Variants in WDR70 observed in about 807,000 individuals in gnomAD.
WDR70 encodes WD repeat-containing protein 70.
Under a neutral mutation model 88.6 loss-of-function variants are expected in WDR70, and 53 were observed. The observed-to-expected ratio is 0.60, with a 90% CI of 0.48 to 0.75. The LOEUF (loss-of-function observed/expected upper bound fraction) is 0.75, where lower values mean the gene tolerates loss of function less well. WDR70 is among the 30% of genes least tolerant of loss of function. The pLI is 0.00. For missense variants in WDR70, 610 were observed against 823.2 expected, an observed-to-expected ratio of 0.74 and a Z score of 3.17; for synonymous variants, 280 against 270.0, an observed-to-expected ratio of 1.04 and a Z score of -0.36.
At chr5:37,602,955 C>T (rs776020548) in intron 9 of WDR70, among the ~76,000 whole-genome samples, 41 of 151,298 alleles carry the variant, frequency 2.7e-4, no homozygotes, top group African/African-American at 2.7e-4. Context: ...CCAGCCTGGG[C>T]GATAGAGCGA....
chr5:37,388,433 T>TTTC (rs1174609850), intron 3 of WDR70, among the ~76,000 whole-genome samples: 3 of 150,454 alleles, frequency 2.0e-5, no homozygotes, highest in Non-Finnish European at 4.4e-5. Context: ...AGACTTTTTT[T>TTTC]TTTTTTTAGA....
At chr5:37,536,089 G>A (rs536006993) in intron 9 of WDR70, among the ~76,000 whole-genome samples, 2 of 152,266 alleles carry the variant, frequency 1.3e-5, no homozygotes, top group South Asian at 4.1e-4. Flanking sequence ...CACTACAGTG[G>A]TGGTGCTACC....
At chr5:37,484,039 C>T (rs1189943905) in intron 8 of WDR70, among the ~76,000 whole-genome samples, 3 of 151,624 alleles carry the variant, frequency 2.0e-5, no homozygotes, top group African/African-American at 4.8e-5. Context: ...GACGGGATGG[C>T]GGCCGGGAAG....
intron 9 of WDR70, among the ~76,000 whole-genome samples, chr5:37,517,487 C>A (rs756649635): frequency 6.6e-6 from 1 of 151,874 alleles, no homozygotes; most frequent in South Asian, 2.1e-4. Context: ...CCTACTTCAG[C>A]CTCCCAAGTA....
chr5:37,504,335 C>T (rs116404169), intron 8 of WDR70, among the ~76,000 whole-genome samples: 5 of 151,464 alleles, frequency 3.3e-5, no homozygotes, highest in East Asian at 2.1e-4. Context: ...GTCTTGATTA[C>T]TGTAGCTTTT....
intron 10 of WDR70, among the ~76,000 whole-genome samples, chr5:37,650,964 A>ATT (rs56209225): frequency 0.043 from 6,299 of 146,688 alleles, 428 homozygotes; most frequent in African/African-American, 0.15. Context: ...AATGGGCTTC[A>ATT]TTTTTTTTTT....
At chr5:37,715,781 A>G (rs1446274766) in intron 13 of WDR70, among the ~76,000 whole-genome samples, 2 of 152,190 alleles carry the variant, frequency 1.3e-5, no homozygotes, top group Non-Finnish European at 2.9e-5. Context: ...TCTGTGAAGA[A>G]TATCTTGGGC....
chr5:37,616,018 C>T (rs1301866913), intron 10 of WDR70, among the ~76,000 whole-genome samples: 5 of 152,186 alleles, frequency 3.3e-5, no homozygotes, highest in Non-Finnish European at 7.4e-5. Flanking sequence ...CAGTACTTGT[C>T]ATATGCTGAA....
intron 9 of WDR70, among the ~76,000 whole-genome samples, chr5:37,532,113 C>T (rs994348224): frequency 6.6e-6 from 1 of 152,176 alleles, no homozygotes; most frequent in Non-Finnish European, 1.5e-5. Context: ...TGAGGGATTT[C>T]TGCTGAGAAA....
chr5:37,685,289 A>G (rs1340681902), intron 10 of WDR70, among the ~76,000 whole-genome samples: 1 of 152,070 alleles, frequency 6.6e-6, no homozygotes, highest in Admixed American at 6.5e-5. Context: ...CCACTCATGT[A>G]GACACACACC....
chr5:37,533,560 A>C (rs1741566335), intron 9 of WDR70, among the ~76,000 whole-genome samples: 1 of 150,516 alleles, frequency 6.6e-6, no homozygotes, highest in Non-Finnish European at 1.5e-5. Context: ...GGGGCCATAG[A>C]GCTTTCAAGA....
At chr5:37,467,242 A>G (rs1349305609) in intron 7 of WDR70, among the ~76,000 whole-genome samples, 1 of 151,328 alleles carries the variant, frequency 6.6e-6, no homozygotes, top group Admixed American at 6.6e-5. Flanking sequence ...AAAAAAAACA[A>G]AAAAAGAAAA....
chr5:37,405,094 T>C (rs1424421975), intron 5 of WDR70, among the ~76,000 whole-genome samples: 2 of 152,050 alleles, frequency 1.3e-5, no homozygotes, highest in Admixed American at 6.6e-5. Context: ...GTATGTAAAA[T>C]ATTAGAATAA....
intron 10 of WDR70, among the ~76,000 whole-genome samples, chr5:37,647,177 A>G (rs1745264212): frequency 6.6e-6 from 1 of 152,148 alleles, no homozygotes; most frequent in African/African-American, 2.4e-5. Flanking sequence ...TTAGCATGTC[A>G]GTTGCATTTT....
At chr5:37,394,974 C>T (rs1330769382) in intron 4 of WDR70, among the ~76,000 whole-genome samples, 1 of 151,990 alleles carries the variant, frequency 6.6e-6, no homozygotes, top group East Asian at 1.9e-4. Context: ...CATGTTTTTC[C>T]GTCAGTAGAT....
intron 10 of WDR70, among the ~76,000 whole-genome samples, chr5:37,646,455 G>A (rs1351771573): frequency 6.6e-6 from 1 of 152,022 alleles, no homozygotes; most frequent in East Asian, 1.9e-4. Context: ...ACCTTTAGAT[G>A]ATTTTGTACC....
chr5:37,444,766 C>A (rs1383549358), intron 7 of WDR70, among the ~76,000 whole-genome samples: 3 of 152,162 alleles, frequency 2.0e-5, no homozygotes, highest in African/African-American at 7.2e-5. Context: ...TTGTGGAAGA[C>A]AATTTTTCCA....
At chr5:37,522,375 G>A (rs1426984048) in intron 9 of WDR70, among the ~76,000 whole-genome samples, 1 of 149,550 alleles carries the variant, frequency 6.7e-6, no homozygotes. Flanking sequence ...TGAGGCTGAG[G>A]CAGAAGAATC....
chr5:37,721,517 G>T, intron 14 of WDR70: 1 of 325,836 alleles, frequency 3.1e-6, no homozygotes, highest in Non-Finnish European at 5.8e-6. Context: ...CCTGGACAGA[G>T]GCATTAGCAG....
Sources: gnomAD v4.1 joint callset for allele counts (sites outside exome capture counted in the v4.1 genomes callset) on GRCh38, gnomAD v4.1.1 for gene constraint, MANE v1.5 for transcripts, NCBI Gene and HGNC (gene_info 2026-07-23, HGNC 2026-07-21) for gene names.